The following ABCC10 variants were observed in gnomAD, a reference collection of about 807,000 sequenced individuals.
The protein encoded by ABCC10 is ATP-binding cassette sub-family C member 10.
A neutral mutation model predicts 143.2 loss-of-function variants in ABCC10; 110 were observed. The ratio of observed to expected loss-of-function variants is 0.77; its 90% CI spans 0.66 to 0.90. The LOEUF (loss-of-function observed/expected upper bound fraction) is 0.90, where lower values mean the gene tolerates loss of function less well. ABCC10 is among the 40% of genes least tolerant of loss of function. The probability of loss-of-function intolerance (pLI) is 0.00; values close to 1 mark genes in which losing one functional copy is unlikely to be tolerated. For synonymous variants in ABCC10, 805 were observed against 846.7 expected (o/e 0.95, Z 0.85); for missense variants, 1,700 against 1,900.5 (o/e 0.89, Z 1.96).
At position 43,434,985 on chromosome 6, in the gene ABCC10, A is replaced by G. The variant is rs1021568065; in HGVS notation, c.1608+137A>G. 2.0e-5 allele frequency: 18 copies of G among 912,536 alleles called. No homozygotes were observed. In the Admixed American group the frequency reaches 4.9e-4, roughly 25 times the overall value. The allele number at this position is 912,536 out of a possible 1,614,324, so 56.5% of individuals were successfully genotyped here. Reference sequence around the variant, plus strand: ...CATCTCTCAACCAAGGGAAAACTGAAGAAACCTTTTTGTGGGGGCCTTGGA... The same window carrying G: ...CATCTCTCAACCAAGGGAAAACTGAGGAAACCTTTTTGTGGGGGCCTTGGA... On this transcript the variant is annotated intron_variant, in intron 4 of 21. Coordinates refer to ENST00000372530, the MANE Select transcript of ABCC10 (RefSeq NM_001198934.2).
At chr6:43,447,495 A>C in intron 17 of ABCC10, 87 bp downstream of exon 17, 9 of 1,559,452 alleles carry the variant, frequency 5.8e-6, no homozygotes, top group Non-Finnish European at 6.9e-6. Flanking sequence ...TTGCCCACCC[A>C]TCTTTCTCAG....
At chr6:43,446,740 C>T (rs972910888) in intron 16 of ABCC10, 11 of 1,249,728 alleles carry the variant, frequency 8.8e-6, no homozygotes, top group Non-Finnish European at 1.0e-5. Flanking sequence ...GCTTCAGTCT[C>T]CCACATGCCG....
At chr6:43,433,945 C>T (rs1378637449) in intron 3 of ABCC10, among the ~76,000 whole-genome samples, 1 of 152,224 alleles carries the variant, frequency 6.6e-6, no homozygotes, top group Non-Finnish European at 1.5e-5. Flanking sequence ...TGGGTACCTT[C>T]ACAAAGGGGA....
downstream of ABCC10, chr6:43,450,925 G>A (rs1021580029): frequency 1.9e-6 from 3 of 1,614,068 alleles, no homozygotes; most frequent in Middle Eastern, 1.6e-4. The surrounding 1 kb of genome is among the most constrained non-coding windows in gnomAD (Gnocchi z 4.5). Context: ...GTGGTTGGGG[G>A]GTCTGGGACA....
intron 8 of ABCC10, among the ~76,000 whole-genome samples, chr6:43,441,112 A>C (rs910979922): frequency 6.6e-6 from 1 of 151,766 alleles, no homozygotes; most frequent in Non-Finnish European, 1.5e-5. Context: ...CACACACACA[A>C]AAAAGTAAAA....
rs1783036724 is a variant in ABCC10, at chr6:43,446,050, A to G, written c.3374+108A>G. The G allele has an allele frequency of 4.6e-6, 6 of 1,299,388 alleles. No homozygotes were observed. The East Asian group carries it at 1.5e-4, about 32-fold the overall frequency. 80.5% of individuals were successfully genotyped at this position (1,299,388 alleles called of 1,614,324 possible). A position where few individuals can be genotyped will look rare whatever the true frequency, so the allele number is the denominator to read the frequency against. ...TGGTTGGTTCAGCCCTCCTGGGGAC[A>G]AGGGATGGGGAAGGAGGAAAGCAAC... On this transcript the variant is annotated intron_variant, in intron 15 of 21. Coordinates refer to ENST00000372530, the MANE Select transcript of ABCC10 (RefSeq NM_001198934.2).
intron 3 of ABCC10, 169 bp from the exon 4 acceptor site, chr6:43,434,452 G>C: frequency 1.6e-6 from 1 of 634,766 alleles, no homozygotes; most frequent in Non-Finnish European, 2.7e-6. Context: ...TGAAGGGCAG[G>C]ATTTCCAGAA....
intron 20 of ABCC10, 42 bp downstream of exon 20, chr6:43,449,246 G>C: frequency 6.2e-7 from 1 of 1,604,028 alleles, no homozygotes; most frequent in Non-Finnish European, 8.5e-7. Flanking sequence ...CCAGGAAGAA[G>C]GCTGGGGGCC....
chr6:43,445,392 C>A lies in ABCC10; in HGVS notation c.3030+78C>A, dbSNP rs567818500. 18 of 1,492,448 alleles carry A rather than the reference C, an allele frequency of 1.2e-5. No homozygotes were observed. The Admixed American group carries it at 1.8e-4, about 15-fold the overall frequency. The allele number at this position is 1,492,448 out of a possible 1,614,324, so 92.5% of individuals were successfully genotyped here. A position where few individuals can be genotyped will look rare whatever the true frequency, so the allele number is the denominator to read the frequency against. On this transcript the variant is annotated intron_variant, in intron 14 of 21. Coordinates refer to ENST00000372530, the MANE Select transcript of ABCC10 (RefSeq NM_001198934.2). Reference sequence around the variant, plus strand: ...GTGTCCTCCCAATACTCGGGCTCCACTGGGGATGGGAGAGTCTTTCCTGCC... The same window carrying A: ...GTGTCCTCCCAATACTCGGGCTCCAATGGGGATGGGAGAGTCTTTCCTGCC...
rs912077757 is a variant in ABCC10 at position 43,443,279 on chromosome 6, G to A, written c.2416+120G>A. The A allele has an allele frequency of 2.5e-5, 26 of 1,052,504 alleles. No individual in the cohort carries two copies. The highest frequency in any genetic ancestry group is 3.6e-5 in the South Asian group (2 of 55,082). 65.2% of individuals were successfully genotyped at this position (1,052,504 alleles called of 1,614,324 possible). A position where few individuals can be genotyped will look rare whatever the true frequency, so the allele number is the denominator to read the frequency against. On this transcript the variant is annotated intron_variant, in intron 10 of 21. Coordinates refer to ENST00000372530, the MANE Select transcript of ABCC10 (RefSeq NM_001198934.2). The surrounding 1 kb of genome is among the most constrained non-coding windows in gnomAD (Gnocchi z 4.2). ...CCTGAGCCAGTCATTGCTGCCTCCC[G>A]CCTTCACAGAACTGGTGTGAGGAAC...
At chr6:43,434,198 C>T (rs528702095) in intron 3 of ABCC10, among the ~76,000 whole-genome samples, 1 of 152,384 alleles carries the variant, frequency 6.6e-6, no homozygotes, top group African/African-American at 2.4e-5. Context: ...GTTTCTGTGC[C>T]ACTCAAGCCG....
At position 43,443,900 on chromosome 6, in the gene ABCC10, A is replaced by G. The variant is rs756815221; in HGVS notation, c.2417-33A>G. On this transcript the variant is annotated intron_variant, in intron 10 of 21. Coordinates refer to ENST00000372530, the MANE Select transcript of ABCC10 (RefSeq NM_001198934.2). This position sits in a 1 kb window ranked among gnomAD's most constrained non-coding sequence, Gnocchi z 4.2. ...GAAAGGCATAGTATAGACTCAGAAC[A>G]GTCCTCTCCCAATCTCCCCTTCTAC... The G allele has an allele frequency of 5.1e-6, 8 of 1,575,598 alleles. No homozygotes were observed. The South Asian group carries it at 8.9e-5, about 17-fold the overall frequency.
chr6:43,448,032 G>A (rs1162270011), intron 18 of ABCC10, 95 bp downstream of exon 18: 1 of 1,550,730 alleles, frequency 6.4e-7, no homozygotes, highest in East Asian at 2.3e-5. Context: ...TAAACTCACA[G>A]CAGCCAGGGC....
In ABCC10 at chr6:43,432,335, C is replaced by G. The variant is rs149850309; in HGVS notation, c.355C>G (p.Leu119Val). Residue 119 changes from leucine to valine, a missense_variant, in exon 3 of 22, where the codon CTG becomes GTG. Coordinates refer to ENST00000372530, the MANE Select transcript of ABCC10 (RefSeq NM_001198934.2). ...AVAWISHSLA[L>V]WVLAHSPHGH... ...GGCCTGGATCAGCCACAGCCTGGCC[C>G]TGTGGGTGTTGGCACATTCCCCTCA... The G allele has an allele frequency of 4.5e-5, 73 of 1,613,928 alleles. No homozygotes were observed. The Middle Eastern group carries it at 1.5e-3, about 33-fold the overall frequency.
chr6:43,451,829 G>A (rs923214205), downstream of ABCC10: 74 of 1,481,328 alleles, frequency 5.0e-5, no homozygotes, highest in African/African-American at 6.6e-4. The surrounding 1 kb of genome is among the most constrained non-coding windows in gnomAD (Gnocchi z 4.4). Flanking sequence ...GAGTGTCCCC[G>A]TGTGGGTCTG....
In ABCC10 at chr6:43,450,061, G is replaced by A. The variant is rs1420803615; in HGVS notation, c.4449G>A (p.Gln1483=). Residue 1483 remains glutamine (Q), a synonymous_variant, in exon 22 of 22, where the codon CAG becomes CAA. Transcript: ENST00000372530. The surrounding 1 kb of genome is among the most constrained non-coding windows in gnomAD (Gnocchi z 4.5). The part of the protein sequence containing the change: ...LFQQLLQSSQ[Q]GVPASLGGP Reference sequence around the variant, plus strand: ...AGCAGCTGCTGCAGAGCAGCCAGCAGGGAGTCCCTGCCTCACTCGGAGGTC... The same window carrying A: ...AGCAGCTGCTGCAGAGCAGCCAGCAAGGAGTCCCTGCCTCACTCGGAGGTC... 1.9e-6 allele frequency: 3 copies of A among 1,609,370 alleles called. No homozygotes were observed. Among genetic ancestry groups the A allele is most frequent in the Non-Finnish European group, 2.5e-6 (3 of 1,177,678 alleles).
chr6:43,433,375 G>A lies in ABCC10; in HGVS notation c.1380+15G>A. ...CGCGGGTTAAGGTGAGCGGGTACTTGGGGTCCCTCAGCTATCTGGAGACCC... is the reference window on the plus strand; with the variant it reads ...CGCGGGTTAAGGTGAGCGGGTACTTAGGGTCCCTCAGCTATCTGGAGACCC... On this transcript the variant is annotated intron_variant, in intron 3 of 21. Coordinates refer to ENST00000372530, the MANE Select transcript of ABCC10 (RefSeq NM_001198934.2). 1 of 1,590,772 alleles carries A rather than the reference G, an allele frequency of 6.3e-7. No individual in the cohort carries two copies. Among genetic ancestry groups the A allele is most frequent in the Non-Finnish European group, 8.6e-7 (1 of 1,165,082 alleles).
At chr6:43,442,412 CAT>C (rs1782565014) in intron 9 of ABCC10, among the ~76,000 whole-genome samples, 1 of 152,114 alleles carries the variant, frequency 6.6e-6, no homozygotes, top group African/African-American at 2.4e-5. Flanking sequence ...TACTGAAAAA[CAT>C]ACAAAAATTA....
Position 43,443,881 on chromosome 6 carries a change from C to A in ABCC10, c.2417-52C>A. 1.3e-6 allele frequency: 2 copies of A among 1,534,336 alleles called. No homozygotes were observed. The highest frequency in any genetic ancestry group is 1.8e-6 in the Non-Finnish European group (2 of 1,107,336). On this transcript the variant is annotated intron_variant, in intron 10 of 21. Transcript: ENST00000372530. The surrounding 1 kb of genome is among the most constrained non-coding windows in gnomAD (Gnocchi z 4.2). ...GGATCTGCACACGCACTGAGAAAGGCATAGTATAGACTCAGAACAGTCCTC... is the reference window on the plus strand; with the variant it reads ...GGATCTGCACACGCACTGAGAAAGGAATAGTATAGACTCAGAACAGTCCTC...
Sources: gnomAD v4.1 joint callset for allele counts (sites outside exome capture counted in the v4.1 genomes callset) on GRCh38, gnomAD v4.1.1 for gene constraint, Gnocchi (gnomAD v3.1) non-coding constraint, MANE v1.5 for transcripts, NCBI Gene and HGNC (gene_info 2026-07-23, HGNC 2026-07-21) for gene names.